CASZ1: variants seen among roughly 807,000 people sequenced by gnomAD.
CASZ1 encodes zinc finger protein castor homolog 1.
Under a neutral mutation model 135.2 loss-of-function variants are expected in CASZ1, and 28 were observed. The observed-to-expected ratio is 0.21, with a 90% CI of 0.15 to 0.28. CASZ1 has a LOEUF of 0.28. Among genes scored for constraint, CASZ1 ranks in the 10% least tolerant of loss-of-function variants. The pLI is 1.00. For missense variants in CASZ1, 2,161 were observed against 2,453.3 expected (o/e 0.88, Z 2.52); for synonymous variants, 1,068 against 1,073.4 (o/e 0.99, Z 0.10).
intron 4 of CASZ1, among the ~76,000 whole-genome samples, chr1:10,684,377 C>T (rs1278935077): frequency 2.6e-5 from 4 of 152,312 alleles, no homozygotes; most frequent in South Asian, 2.1e-4. Context: ...GCGGGGGACA[C>T]GAGCATGCCT....
intron 2 of CASZ1, among the ~76,000 whole-genome samples, chr1:10,708,886 C>T (rs901104004): frequency 1.4e-5 from 2 of 143,946 alleles, no homozygotes; most frequent in African/African-American, 2.6e-5. Flanking sequence ...GTGGGCTGGG[C>T]GCTGGGAGGA....
chr1:10,680,350 C>A (rs1265380788), intron 4 of CASZ1, among the ~76,000 whole-genome samples: 1 of 152,080 alleles, frequency 6.6e-6, no homozygotes, highest in Non-Finnish European at 1.5e-5. Flanking sequence ...CTTGGACCCC[C>A]AGGGCCTGTC....
chr1:10,637,109 CTTCTT>C lies in CASZ1; in HGVS notation c.*1828_*1832del, dbSNP rs1468537856. Reference sequence around the variant, plus strand: ...CTAGACTCCGCACTGTCGGCATCTTCTTCTTTTCTTCTTTTTTTTTTTTAAGTTTG... The same window carrying C: ...CTAGACTCCGCACTGTCGGCATCTTCTTCTTCTTTTTTTTTTTTAAGTTTG... On this transcript the variant is annotated 3_prime_UTR_variant, in exon 21 of 21. Transcript: ENST00000377022. The C allele has an allele frequency of 1.3e-5, 2 of 151,630 alleles. No homozygotes were observed. Among genetic ancestry groups the C allele is most frequent in the African/African-American group, 4.8e-5 (2 of 41,252 alleles). The allele number at this position is 151,630 out of a possible 1,614,324, so 9.4% of individuals were successfully genotyped here.
chr1:10,793,058 TAA>T (rs1640992964), intron 1 of CASZ1, among the ~76,000 whole-genome samples: 2 of 152,262 alleles, frequency 1.3e-5, no homozygotes, highest in African/African-American at 4.8e-5. Flanking sequence ...AAACTATTAA[TAA>T]GTGTGAAAAA....
chr1:10,648,868 C>T, intron 15 of CASZ1: 1 of 657,604 alleles, frequency 1.5e-6, no homozygotes, highest in Non-Finnish European at 2.5e-6. Flanking sequence ...AGGGCCTGGA[C>T]AGGGGCTCAG....
chr1:10,654,488 C>T lies in CASZ1; in HGVS notation c.1769G>A (p.Arg590Gln), dbSNP rs764991048. ...QLINDGFQRF[R>Q]ATEDCGTADC... is the part of the protein sequence containing the mutation. ...GGCTGTGCCACAGTCTTCGGTGGCTCGGAAGCGCTGGAAGCCGTCGTTAAT... is the reference window on the plus strand; with the variant it reads ...GGCTGTGCCACAGTCTTCGGTGGCTTGGAAGCGCTGGAAGCCGTCGTTAAT... Residue 590 changes from arginine to glutamine, a missense_variant, in exon 10 of 21, where the codon CGA becomes CAA. By Grantham distance (43) the Arg-to-Gln change is conservative (BLOSUM62 1). Coordinates refer to ENST00000377022, the MANE Select transcript of CASZ1 (RefSeq NM_001079843.3). The T allele has an allele frequency of 1.1e-5, 18 of 1,614,106 alleles. 1 individual carries two copies. The highest frequency in any genetic ancestry group is 9.9e-5 in the South Asian group (9 of 91,086).
At chr1:10,769,477 T>G (rs1189657633) in intron 1 of CASZ1, among the ~76,000 whole-genome samples, 2 of 152,220 alleles carry the variant, frequency 1.3e-5, no homozygotes, top group Non-Finnish European at 2.9e-5. Flanking sequence ...TATCCCAAGA[T>G]AGTGGGAATA....
intron 2 of CASZ1, among the ~76,000 whole-genome samples, chr1:10,734,178 C>T (rs549319355): frequency 6.6e-6 from 1 of 152,010 alleles, no homozygotes; most frequent in African/African-American, 2.4e-5. Context: ...CAGCCGCCCC[C>T]CTTCCTGAGC....
intron 3 of CASZ1, among the ~76,000 whole-genome samples, chr1:10,695,434 C>T (rs1259367366): frequency 6.6e-6 from 1 of 152,098 alleles, no homozygotes; most frequent in African/African-American, 2.4e-5. Flanking sequence ...TCCCCACAGC[C>T]CCCGACCCAT....
At chr1:10,783,695 A>C (rs2100617200) in intron 1 of CASZ1, among the ~76,000 whole-genome samples, 1 of 152,062 alleles carries the variant, frequency 6.6e-6, no homozygotes, top group East Asian at 1.9e-4. Context: ...CAACATGGTG[A>C]AACCCCATCT....
intron 2 of CASZ1, among the ~76,000 whole-genome samples, chr1:10,722,241 G>T (rs1639510423): frequency 6.6e-6 from 1 of 152,250 alleles, no homozygotes; most frequent in African/African-American, 2.4e-5. Context: ...GAACAGGCAG[G>T]AGAGTGAGTG....
At position 10,638,535 on chromosome 1, in the gene CASZ1, C is replaced by T. The variant is rs540325689; in HGVS notation, c.*407G>A. Reference sequence around the variant, plus strand: ...AGGCCCCGCCAGCGGCTCCAGGAGCCACCCCGCCCTGGTGGCGCGCGGTGG... The same window carrying T: ...AGGCCCCGCCAGCGGCTCCAGGAGCTACCCCGCCCTGGTGGCGCGCGGTGG... On this transcript the variant is annotated 3_prime_UTR_variant, in exon 21 of 21. Transcript: ENST00000377022. This position sits in a 1 kb window ranked among gnomAD's most constrained non-coding sequence, Gnocchi z 5.9. The T allele has an allele frequency of 2.5e-4, 38 of 152,138 alleles. No individual in the cohort carries two copies. The highest frequency in any genetic ancestry group is 8.4e-4 in the African/African-American group (35 of 41,522). 9.4% of individuals were successfully genotyped at this position (152,138 alleles called of 1,614,324 possible). A position where few individuals can be genotyped will look rare whatever the true frequency, so the allele number is the denominator to read the frequency against.
chr1:10,702,234 G>A (rs1400937007), intron 3 of CASZ1, among the ~76,000 whole-genome samples: 1 of 152,194 alleles, frequency 6.6e-6, no homozygotes, highest in East Asian at 1.9e-4. Flanking sequence ...CTCTTGCCTT[G>A]GCTTCAGCAG....
chr1:10,746,124 G>A (rs544926134), intron 2 of CASZ1, among the ~76,000 whole-genome samples: 2 of 152,234 alleles, frequency 1.3e-5, no homozygotes, highest in African/African-American at 4.8e-5. Context: ...GAGGCAGGGC[G>A]AAGCTGAGGA....
intron 4 of CASZ1, among the ~76,000 whole-genome samples, chr1:10,674,220 G>T (rs1045126823): frequency 2.0e-5 from 3 of 152,234 alleles, no homozygotes; most frequent in African/African-American, 4.8e-5. Context: ...ACCTGGGCAT[G>T]AGCCCCTGAC....
At chr1:10,686,798 C>G (rs141099526) in intron 4 of CASZ1, among the ~76,000 whole-genome samples, 3 of 152,330 alleles carry the variant, frequency 2.0e-5, no homozygotes, top group African/African-American at 7.2e-5. Context: ...GGGGTGGGGA[C>G]GCTAGGCTGC....
chr1:10,728,169 G>A (rs971255579), intron 2 of CASZ1, among the ~76,000 whole-genome samples: 6 of 152,184 alleles, frequency 3.9e-5, no homozygotes, highest in Non-Finnish European at 5.9e-5. Context: ...GGCCGCACAC[G>A]GGAGGACTCA....
At chr1:10,650,817 C>T (rs1352142547) in intron 12 of CASZ1, 62 bp from the exon 13 acceptor site, 1 of 1,601,192 alleles carries the variant, frequency 6.2e-7, no homozygotes, top group African/African-American at 1.3e-5. Flanking sequence ...CTGGGGCTCA[C>T]CTTCCCTGCC....
At position 10,719,735 on chromosome 1, in the gene CASZ1, G is replaced by T. The variant is rs1391382805; in HGVS notation, c.-76-14191C>A. 6.6e-6 allele frequency among the ~76,000 whole-genome samples: 1 copy of T among 152,200 alleles called. No homozygotes were observed. The highest frequency in any genetic ancestry group is 1.5e-5 in the Non-Finnish European group (1 of 68,038). ...GGCACAGTGAGAGAAGAGGCAGCAG[G>T]GTATGGGAATAGAGGAATTGGGCAC... On this transcript the variant is annotated intron_variant, in intron 2 of 20. Transcript: ENST00000377022. The surrounding 1 kb of genome is among the most constrained non-coding windows in gnomAD (Gnocchi z 4.0).
Sources: allele counts gnomAD v4.1 joint callset (sites outside exome capture counted in the v4.1 genomes callset), GRCh38; gene constraint gnomAD v4.1.1; non-coding constraint Gnocchi (gnomAD v3.1); transcripts MANE v1.5; gene names NCBI Gene and HGNC (gene_info 2026-07-23, HGNC 2026-07-21).